Variants in BMPR1B observed in about 807,000 individuals in gnomAD.
The protein encoded by BMPR1B is bone morphogenetic protein receptor type 1B.
In BMPR1B, 12 loss-of-function variants were observed where a neutral mutation model predicts 59.1. That is an observed-to-expected ratio of 0.20 (90% confidence interval 0.13 to 0.33). BMPR1B has a LOEUF of 0.33. BMPR1B is among the 10% of genes least tolerant of loss of function. The pLI is 1.00. For synonymous variants in BMPR1B, 237 were observed against 207.3 expected (o/e 1.14, Z -1.23); for missense variants, 550 against 610.9 (o/e 0.90, Z 1.05).
At chr4:94,886,563 C>T (rs1727177373) in intron 2 of BMPR1B, among the ~76,000 whole-genome samples, 1 of 152,146 alleles carries the variant, frequency 6.6e-6, no homozygotes, top group Admixed American at 6.5e-5. Flanking sequence ...AAAAAATGAC[C>T]ACCTACCTTC....
intron 3 of BMPR1B, among the ~76,000 whole-genome samples, chr4:95,062,002 G>T (rs930408199): frequency 1.3e-5 from 2 of 152,102 alleles, no homozygotes; most frequent in African/African-American, 4.8e-5. Flanking sequence ...CTGCCGTCAC[G>T]TGAAGATGTG....
chr4:95,154,564 G>A lies in BMPR1B; in HGVS notation c.1400G>A (p.Gly467Glu). ...CTTCCTCAGTGTCTAAGGCAGATGG[G>A]AAAACTCATGACAGAATGCTGGGCT... Reference protein sequence around the residue: ...WSSDECLRQMGKLMTECWAHN... With the variant: ...WSSDECLRQMEKLMTECWAHN... The change falls in exon 13 of 13, where the codon GGA becomes GAA. Residue 467 changes from glycine to glutamate, a missense_variant. Physicochemically the swap from Gly to Glu is moderately conservative, Grantham distance 98. Coordinates refer to ENST00000515059, the MANE Select transcript of BMPR1B (RefSeq NM_001203.3). The A allele has an allele frequency of 7.4e-6, 12 of 1,614,098 alleles. No individual in the cohort carries two copies. Among genetic ancestry groups the A allele is most frequent in the Non-Finnish European group, 9.3e-6 (11 of 1,179,988 alleles).
At chr4:95,017,186 C>A (rs1180874036) in intron 3 of BMPR1B, among the ~76,000 whole-genome samples, 5 of 152,238 alleles carry the variant, frequency 3.3e-5, no homozygotes, top group Non-Finnish European at 5.9e-5. Flanking sequence ...TTTCACTCTT[C>A]AGCAAGCCAT....
At chr4:94,849,470 A>G (rs1298891000) in intron 1 of BMPR1B, among the ~76,000 whole-genome samples, 1 of 152,090 alleles carries the variant, frequency 6.6e-6, no homozygotes, top group African/African-American at 2.4e-5. Context: ...GAGCTGAGAA[A>G]TGAGTGGCAG....
chr4:94,978,148 T>C (rs929681751), intron 2 of BMPR1B, among the ~76,000 whole-genome samples: 2 of 152,224 alleles, frequency 1.3e-5, no homozygotes, highest in Non-Finnish European at 2.9e-5. Flanking sequence ...CCACATGTTT[T>C]GAGTATTTTT....
At chr4:95,023,369 A>T (rs1253640406) in intron 3 of BMPR1B, among the ~76,000 whole-genome samples, 1 of 152,002 alleles carries the variant, frequency 6.6e-6, no homozygotes, top group Non-Finnish European at 1.5e-5. Flanking sequence ...TTTAAGACTC[A>T]TTTCTTTTAT....
chr4:95,138,407 G>T (rs1167405737), intron 10 of BMPR1B, among the ~76,000 whole-genome samples: 1 of 152,162 alleles, frequency 6.6e-6, no homozygotes, highest in Middle Eastern at 3.2e-3. Context: ...TTCTTGAGGA[G>T]TATCTTTGTG....
chr4:95,036,783 A>G (rs1725279718), intron 3 of BMPR1B, among the ~76,000 whole-genome samples: 1 of 144,576 alleles, frequency 6.9e-6, no homozygotes, highest in South Asian at 2.1e-4. Flanking sequence ...TAGTTTTTTG[A>G]GGAATATCTG....
chr4:95,104,625 A>G, intron 4 of BMPR1B, 58 bp downstream of exon 4: 4 of 1,593,096 alleles, frequency 2.5e-6, no homozygotes, highest in Admixed American at 1.7e-5. Context: ...TTTTTCAACT[A>G]TGCAACTGTA....
In BMPR1B at chr4:95,114,645, GACACACAC is replaced by G. The variant is rs10622489; in HGVS notation, c.144-58_144-51del. The G allele has an allele frequency of 1.8e-5, 18 of 990,312 alleles. No individual in the cohort carries two copies. In the African/African-American group the frequency reaches 1.9e-4, roughly 11 times the overall value. The allele number at this position is 990,312 out of a possible 1,614,324, so 61.3% of individuals were successfully genotyped here. A position where few individuals can be genotyped will look rare whatever the true frequency, so the allele number is the denominator to read the frequency against. ...ACATCACTTATTTCCTTTTCCCCTA[GACACACAC>G]ACACACACACACACACTGACTCACA... On this transcript the variant is annotated intron_variant, in intron 4 of 12. Coordinates refer to ENST00000515059, the MANE Select transcript of BMPR1B (RefSeq NM_001203.3).
intron 2 of BMPR1B, among the ~76,000 whole-genome samples, chr4:94,912,356 G>C (rs1041058292): frequency 6.6e-6 from 1 of 152,104 alleles, no homozygotes; most frequent in Non-Finnish European, 1.5e-5. Flanking sequence ...GTGGGTGGAG[G>C]TTAGATTGGA....
rs34395946 is a variant in BMPR1B at position 94,993,760 on chromosome 4, CAAAA to C, written c.-112-2259_-112-2256del. Among the ~76,000 whole-genome samples the C allele has an allele frequency of 8.9e-4, 61 of 68,560 alleles. 1 individual carries two copies. The highest frequency in any genetic ancestry group is 1.9e-3 in the African/African-American group (35 of 18,742). 45.0% of individuals were successfully genotyped at this position (68,560 alleles called of 152,430 possible). A position where few individuals can be genotyped will look rare whatever the true frequency, so the allele number is the denominator to read the frequency against. Reference sequence around the variant, plus strand: ...TGGGCAACAGAGCAAGACTCCATCTCAAAAAAAAAAAAAAAAAAAAAAAAGTATG... The same window carrying C: ...TGGGCAACAGAGCAAGACTCCATCTCAAAAAAAAAAAAAAAAAAAAGTATG... On this transcript the variant is annotated intron_variant, in intron 2 of 12. Transcript: ENST00000515059.
chr4:94,940,300 G>A (rs1365764666), intron 2 of BMPR1B, among the ~76,000 whole-genome samples: 1 of 152,140 alleles, frequency 6.6e-6, no homozygotes, highest in Non-Finnish European at 1.5e-5. Flanking sequence ...AAAACATTAT[G>A]AGATATTTTT....
intron 1 of BMPR1B, among the ~76,000 whole-genome samples, chr4:94,835,809 G>T (rs1002527358): frequency 1.1e-4 from 17 of 151,740 alleles, no homozygotes; most frequent in Non-Finnish European, 2.5e-4. Context: ...TGCACATTGT[G>T]CAGGTTAGTT....
chr4:94,782,406 A>G (rs890529981), intron 1 of BMPR1B, among the ~76,000 whole-genome samples: 3 of 151,816 alleles, frequency 2.0e-5, no homozygotes, highest in Non-Finnish European at 2.9e-5. Context: ...CCCAGGCTCA[A>G]GTGATCATCC....
intron 1 of BMPR1B, among the ~76,000 whole-genome samples, chr4:94,783,546 C>A (rs1377825232): frequency 2.6e-5 from 4 of 152,164 alleles, no homozygotes; most frequent in African/African-American, 7.2e-5. Context: ...GGCAAAATCT[C>A]TGAGCCATTG....
At chr4:95,051,566 C>T in intron 3 of BMPR1B, 1 of 749,410 alleles carries the variant, frequency 1.3e-6, no homozygotes, top group Non-Finnish European at 2.2e-6. Context: ...CTTTCACGGT[C>T]CTGTCTCAGG....
chr4:94,764,122 T>C (rs1437120851), intron 1 of BMPR1B, among the ~76,000 whole-genome samples: 1 of 152,190 alleles, frequency 6.6e-6, no homozygotes, highest in Non-Finnish European at 1.5e-5. Context: ...ACTGTTCTTA[T>C]TACCATTGGC....
intron 3 of BMPR1B, among the ~76,000 whole-genome samples, chr4:95,084,932 C>G (rs978056436): frequency 2.0e-5 from 3 of 152,112 alleles, no homozygotes; most frequent in Non-Finnish European, 2.9e-5. Context: ...ATCATGATTC[C>G]TACACCTGCT....
Sources: gnomAD v4.1 joint callset for allele counts (sites outside exome capture counted in the v4.1 genomes callset) on GRCh38, gnomAD v4.1.1 for gene constraint, MANE v1.5 for transcripts, NCBI Gene and HGNC (gene_info 2026-07-23, HGNC 2026-07-21) for gene names.